EIF2S3B: variants seen among roughly 807,000 people sequenced by gnomAD.
EIF2S3B encodes eukaryotic translation initiation factor 2 subunit 3B.
EIF2S3B carries 16 observed loss-of-function variants against 26.4 expected under a neutral mutation model. That is an observed-to-expected ratio of 0.61 (90% CI 0.41 to 0.92). EIF2S3B has a LOEUF of 0.92. Ranked by LOEUF, EIF2S3B falls within the 40% of genes least tolerant of loss-of-function variation. EIF2S3B has a pLI of 0.00. For synonymous variants in EIF2S3B, 183 were observed against 204.4 expected (o/e 0.90, Z 0.89); for missense variants, 510 against 575.5 (o/e 0.89, Z 1.16).
intron 1 of EIF2S3B, among the ~76,000 whole-genome samples, chr12:10,518,763 C>T (rs1864794929): frequency 1.3e-5 from 2 of 151,526 alleles, no homozygotes; most frequent in South Asian, 4.2e-4. Context: ...TTCACAATTG[C>T]TTCAAAGAGA....
chr12:10,506,696 A>T lies in EIF2S3B; in HGVS notation c.794A>T (p.Asn265Ile), dbSNP rs1289909865. Reference sequence around the variant, plus strand: ...ATTGTTATTAGATCTTTTGATGTCAACAAACCTGGCTGTGAAGTTGATGAC... The same window carrying T: ...ATTGTTATTAGATCTTTTGATGTCATCAAACCTGGCTGTGAAGTTGATGAC... The part of the protein sequence containing the change: ...RLIVIRSFDV[N>I]KPGCEVDDLK... The change falls in exon 1 of 1, where the codon AAC (asparagine) becomes ATC (isoleucine). Residue 265 changes from asparagine to isoleucine, a missense_variant. Coordinates refer to ENST00000538173, the MANE Select transcript of EIF2S3B (RefSeq NM_001357734.3). The T allele has an allele frequency of 6.2e-7, 1 of 1,614,074 alleles. No homozygotes were observed. The highest frequency in any genetic ancestry group is 1.7e-5 in the Admixed American group (1 of 60,016).
intron 1 of EIF2S3B, among the ~76,000 whole-genome samples, chr12:10,514,658 A>C (rs953152835): frequency 1.3e-5 from 2 of 152,208 alleles, no homozygotes; most frequent in Admixed American, 6.5e-5. Context: ...TAATAGAATT[A>C]TATCCATCAA....
At chr12:10,512,252 C>T (rs1051416317), downstream of EIF2S3B, among the ~76,000 whole-genome samples, 2 of 151,836 alleles carry the variant, frequency 1.3e-5, no homozygotes, top group Non-Finnish European at 2.9e-5. Flanking sequence ...AGTCTTTATG[C>T]AATGAATATT....
chr12:10,514,249 T>TA lies in EIF2S3B; in HGVS notation c.1308+7039_1308+7040insA, dbSNP rs561843975. 1.0e-3 allele frequency among the ~76,000 whole-genome samples: 4 copies of TA among 3,940 alleles called. No individual in the cohort carries two copies. The Admixed American group carries it at 0.06, about 59-fold the overall frequency. The allele number at this position is 3,940 out of a possible 152,430, so 2.6% of individuals were successfully genotyped here. A position where few individuals can be genotyped will look rare whatever the true frequency, so the allele number is the denominator to read the frequency against. ...TCCTACTTGTCTCATCAAAATATCA[T>TA]TTTTTTTTGCTATTTACTCATATTT... On this transcript the variant is annotated intron_variant, in intron 1 of 1. Coordinates refer to the EIF2S3B transcript ENST00000322446.
At chr12:10,513,391 TA>T (rs1864723609), downstream of EIF2S3B, among the ~76,000 whole-genome samples, 3 of 152,156 alleles carry the variant, frequency 2.0e-5, no homozygotes, top group Non-Finnish European at 2.9e-5. Flanking sequence ...TTATTTATAC[TA>T]GGGCTGAAAT....
chr12:10,513,665 A>G (rs1398027034), intron 1 of EIF2S3B, among the ~76,000 whole-genome samples: 2 of 152,240 alleles, frequency 1.3e-5, no homozygotes, highest in African/African-American at 4.8e-5. Flanking sequence ...AGAAGATAAA[A>G]TCAAACTGTT....
intron 1 of EIF2S3B, among the ~76,000 whole-genome samples, chr12:10,522,179 A>C (rs75081823): frequency 0.031 from 4,691 of 152,224 alleles, 215 homozygotes; most frequent in African/African-American, 0.1. Flanking sequence ...TATATGTTCC[A>C]TAACACATAG....
At chr12:10,509,854 G>A (rs1393164212), downstream of EIF2S3B, among the ~76,000 whole-genome samples, 1 of 151,852 alleles carries the variant, frequency 6.6e-6, no homozygotes, top group African/African-American at 2.4e-5. Context: ...TATATTTAAA[G>A]CATGAAAGTC....
chr12:10,516,205 C>A (rs1337985933), intron 1 of EIF2S3B, among the ~76,000 whole-genome samples: 2 of 151,902 alleles, frequency 1.3e-5, no homozygotes, highest in Admixed American at 1.3e-4. Context: ...TAACATGTCT[C>A]TAGAACCTTA....
At chr12:10,518,066 G>C (rs1328185169) in intron 1 of EIF2S3B, among the ~76,000 whole-genome samples, 4 of 151,878 alleles carry the variant, frequency 2.6e-5, no homozygotes, top group African/African-American at 4.8e-5. Context: ...GTGGTGTGGT[G>C]CTGAAAAAAA....
downstream of EIF2S3B, among the ~76,000 whole-genome samples, chr12:10,512,263 T>C (rs998662716): frequency 6.6e-6 from 1 of 151,412 alleles, no homozygotes; most frequent in African/African-American, 2.5e-5. Context: ...AATGAATATT[T>C]GTCATCTAAA....
At chr12:10,519,425 T>A (rs1431846589) in intron 1 of EIF2S3B, among the ~76,000 whole-genome samples, 4,342 of 151,298 alleles carry the variant, frequency 0.029, 196 homozygotes, top group African/African-American at 0.098. Flanking sequence ...AACCTAGGCA[T>A]TACCATTCAG....
exon 2 of EIF2S3B, chr12:10,522,712 T>G: frequency 1.5e-6 from 1 of 684,590 alleles, no homozygotes; most frequent in Non-Finnish European, 2.7e-6. Context: ...ATTTCTTTCT[T>G]TAAAGAAAAA....
At position 10,506,174 on chromosome 12, in the gene EIF2S3B, TTGA is replaced by T; in HGVS notation, c.276_278del (p.Asp93del). The T allele has an allele frequency of 6.3e-7, 1 of 1,576,188 alleles. No homozygotes were observed. Among genetic ancestry groups the T allele is most frequent in the Non-Finnish European group, 8.7e-7 (1 of 1,145,442 alleles). On this transcript the variant is annotated inframe_deletion, in exon 1 of 1. Coordinates refer to ENST00000538173, the MANE Select transcript of EIF2S3B (RefSeq NM_001357734.3). ...TATGCTAATGCTAAGATTTATCAAC[TTGA>T]TGACCCAAGTTGCCCTCGGCCAGAA...
chr12:10,515,811 A>G (rs1450724591), intron 1 of EIF2S3B, among the ~76,000 whole-genome samples: 2 of 151,636 alleles, frequency 1.3e-5, no homozygotes, highest in East Asian at 1.9e-4. Flanking sequence ...ACTAACTTAT[A>G]CTAGTATACT....
At chr12:10,518,508 T>C (rs1054619993) in intron 1 of EIF2S3B, among the ~76,000 whole-genome samples, 1 of 152,106 alleles carries the variant, frequency 6.6e-6, no homozygotes, top group Non-Finnish European at 1.5e-5. Flanking sequence ...GCACGTGAGA[T>C]GGGTTTCCTG....
At position 10,507,890 on chromosome 12, in the gene EIF2S3B, A is replaced by T. The variant is rs1035064075; in HGVS notation, c.*569A>T. ...GCGTGAGCCACCTTGCCTAGCCCAC[A>T]TCATGCAGTTTGAAATGAAACTTTG... On this transcript the variant is annotated 3_prime_UTR_variant, in exon 1 of 1. Coordinates refer to ENST00000538173, the MANE Select transcript of EIF2S3B (RefSeq NM_001357734.3). Among the ~76,000 whole-genome samples the T allele has an allele frequency of 1.3e-5, 2 of 152,190 alleles. No individual in the cohort carries two copies. The highest frequency in any genetic ancestry group is 1.9e-4 in the East Asian group (1 of 5,184).
intron 1 of EIF2S3B, among the ~76,000 whole-genome samples, chr12:10,517,943 A>C (rs554742434): frequency 1.2e-4 from 18 of 151,852 alleles, no homozygotes; most frequent in Non-Finnish European, 2.4e-4. Context: ...CTTAATCCTG[A>C]GTTCTAGTTT....
intron 1 of EIF2S3B, among the ~76,000 whole-genome samples, chr12:10,521,584 C>T (rs1565530065): frequency 6.6e-6 from 1 of 151,970 alleles, no homozygotes; most frequent in Admixed American, 6.6e-5. Flanking sequence ...TCTGCAAAAC[C>T]ATAAAATAAT....
Sources: gnomAD v4.1 joint callset for allele counts (sites outside exome capture counted in the v4.1 genomes callset) on GRCh38, gnomAD v4.1.1 for gene constraint, MANE v1.5 for transcripts, NCBI Gene and HGNC (gene_info 2026-07-23, HGNC 2026-07-21) for gene names.